Variants in OSBPL3 observed in about 807,000 individuals in gnomAD.
OSBPL3 encodes oxysterol binding protein like 3.
In OSBPL3, 65 loss-of-function variants were observed where a neutral mutation model predicts 120.1. The ratio of observed to expected loss-of-function variants is 0.54; its 90% CI spans 0.44 to 0.67. The LOEUF (loss-of-function observed/expected upper bound fraction) is 0.67, where lower values mean the gene tolerates loss of function less well. OSBPL3 is among the 30% of genes least tolerant of loss of function. The probability of loss-of-function intolerance (pLI) is 0.00; values close to 1 mark genes in which losing one functional copy is unlikely to be tolerated. For synonymous variants in OSBPL3, 416 were observed against 402.6 expected (o/e 1.03, Z -0.40); for missense variants, 1,004 against 1,082.1 (o/e 0.93, Z 1.01).
intron 20 of OSBPL3, among the ~76,000 whole-genome samples, chr7:24,809,109 G>C (rs943994804): frequency 2.0e-5 from 3 of 152,258 alleles, no homozygotes; most frequent in South Asian, 2.1e-4. Context: ...ATAGCACACA[G>C]CCTAACGGTT....
rs1182073359 is a variant in OSBPL3, at chr7:24,835,108, T to C, written c.1496-372A>G. ...ACTTTAAATTCTGGTAAAACAATTG[T>C]GTTTATTACAGGAAAACTATAAAGG... is the stretch of plus-strand genomic sequence containing the variant. On this transcript the variant is annotated intron_variant, in intron 14 of 22. Coordinates refer to ENST00000313367, the MANE Select transcript of OSBPL3 (RefSeq NM_015550.4). The surrounding 1 kb of genome is among the most constrained non-coding windows in gnomAD (Gnocchi z 4.8). Among the ~76,000 whole-genome samples the C allele has an allele frequency of 6.6e-6, 1 of 152,222 alleles. No homozygotes were observed. The highest frequency in any genetic ancestry group is 1.5e-5 in the Non-Finnish European group (1 of 68,038).
At chr7:24,843,055 G>C (rs932760087) in intron 12 of OSBPL3, among the ~76,000 whole-genome samples, 1 of 152,136 alleles carries the variant, frequency 6.6e-6, no homozygotes, top group Non-Finnish European at 1.5e-5. Flanking sequence ...TAACACAACA[G>C]AACATCATTG....
In OSBPL3 at chr7:24,979,642, T is replaced by C. The variant is rs1194198012; in HGVS notation, c.-150+244A>G. On this transcript the variant is annotated intron_variant, in intron 1 of 22. Coordinates refer to ENST00000313367, the MANE Select transcript of OSBPL3 (RefSeq NM_015550.4). Reference sequence around the variant, plus strand: ...TCCTGGCGGTCAATCCTCTGAGCCGTCCCTCGAGGGAAGGTGTCCTGGGGT... The same window carrying C: ...TCCTGGCGGTCAATCCTCTGAGCCGCCCCTCGAGGGAAGGTGTCCTGGGGT... Among the ~76,000 whole-genome samples the C allele has an allele frequency of 3.3e-5, 5 of 152,004 alleles. No homozygotes were observed. The East Asian group carries it at 5.9e-4, about 18-fold the overall frequency.
chr7:24,828,526 T>C (rs1394389581), intron 16 of OSBPL3, among the ~76,000 whole-genome samples: 1 of 148,046 alleles, frequency 6.8e-6, no homozygotes, highest in Non-Finnish European at 1.5e-5. Flanking sequence ...GAGGATCACT[T>C]GAACTGGGAG....
chr7:24,863,398 A>G lies in OSBPL3; in HGVS notation c.777+98T>C. 7.3e-7 allele frequency: 1 copy of G among 1,376,784 alleles called. No homozygotes were observed. Among genetic ancestry groups the G allele is most frequent in the South Asian group, 1.2e-5 (1 of 85,958 alleles). 85.3% of individuals were successfully genotyped at this position (1,376,784 alleles called of 1,614,324 possible). ...CCTCCATCCCCTTGACTTTGGCTGA[A>G]GCAACTGACCACAGCATCCCACTGT... On this transcript the variant is annotated intron_variant, in intron 8 of 22. Transcript: ENST00000313367. This position sits in a 1 kb window ranked among gnomAD's most constrained non-coding sequence, Gnocchi z 5.8.
rs560730449 is a variant in OSBPL3 at position 24,808,674 on chromosome 7, C to G, written c.2317+1133G>C. Among the ~76,000 whole-genome samples the G allele has an allele frequency of 1.3e-3, 196 of 152,342 alleles. No individual in the cohort carries two copies. Among genetic ancestry groups the G allele is most frequent in the African/African-American group, 4.4e-3 (184 of 41,568 alleles). On this transcript the variant is annotated intron_variant, in intron 20 of 22. Coordinates refer to ENST00000313367, the MANE Select transcript of OSBPL3 (RefSeq NM_015550.4). This position sits in a 1 kb window ranked among gnomAD's most constrained non-coding sequence, Gnocchi z 4.6. ...GCCTACTTGACCATCATTTCTCTTT[C>G]TTGCTTGCTAACAGAATACTGATTC...
chr7:24,975,202 A>G (rs1200745793), intron 1 of OSBPL3, among the ~76,000 whole-genome samples: 1 of 152,254 alleles, frequency 6.6e-6, no homozygotes, highest in Non-Finnish European at 1.5e-5. Flanking sequence ...AGTACATAAC[A>G]TAGGCAAAAT....
chr7:24,804,186 C>A lies in OSBPL3; in HGVS notation c.2567+129G>T. 4.7e-6 allele frequency: 5 copies of A among 1,060,920 alleles called. No homozygotes were observed. The Admixed American group carries it at 5.9e-5, about 13-fold the overall frequency. 65.7% of individuals were successfully genotyped at this position (1,060,920 alleles called of 1,614,324 possible). On this transcript the variant is annotated intron_variant, in intron 22 of 22. Coordinates refer to ENST00000313367, the MANE Select transcript of OSBPL3 (RefSeq NM_015550.4). This position sits in a 1 kb window ranked among gnomAD's most constrained non-coding sequence, Gnocchi z 5.4. ...GCCTGGCACAGAGGAGCAGTACCCCCACGTGGAAGCAGGAAAAGCCTGGAG... is the reference window on the plus strand; with the variant it reads ...GCCTGGCACAGAGGAGCAGTACCCCAACGTGGAAGCAGGAAAAGCCTGGAG...
intron 1 of OSBPL3, among the ~76,000 whole-genome samples, chr7:24,908,067 T>A (rs1808209230): frequency 6.6e-6 from 1 of 152,180 alleles, no homozygotes. Flanking sequence ...CCTTGCCATT[T>A]TAAGTCTTTG....
chr7:24,814,791 G>A (rs944744691), intron 19 of OSBPL3, among the ~76,000 whole-genome samples: 11 of 152,196 alleles, frequency 7.2e-5, no homozygotes, highest in African/African-American at 2.4e-4. Context: ...CTGTCAAGGT[G>A]CATACATACT....
chr7:24,812,380 G>A (rs1052901694), intron 19 of OSBPL3, among the ~76,000 whole-genome samples: 1 of 151,860 alleles, frequency 6.6e-6, no homozygotes, highest in Non-Finnish European at 1.5e-5. Flanking sequence ...GAGTAGTGTG[G>A]GTATTCTCAC....
rs1220779873 is a variant in OSBPL3 at position 24,918,571 on chromosome 7, T to C, written c.-149-25950A>G. ...ATGTGGGCTTACTTAGAAACATATG[T>C]ACAAGCAATTAACTTTATATTTACC... On this transcript the variant is annotated intron_variant, in intron 1 of 22. Coordinates refer to ENST00000313367, the MANE Select transcript of OSBPL3 (RefSeq NM_015550.4). This position sits in a 1 kb window ranked among gnomAD's most constrained non-coding sequence, Gnocchi z 4.3. Among the ~76,000 whole-genome samples the C allele has an allele frequency of 1.3e-5, 2 of 152,208 alleles. No individual in the cohort carries two copies. Among genetic ancestry groups the C allele is most frequent in the Non-Finnish European group, 2.9e-5 (2 of 68,038 alleles).
chr7:24,944,072 A>G (rs1813406528), intron 1 of OSBPL3, among the ~76,000 whole-genome samples: 1 of 109,212 alleles, frequency 9.2e-6, no homozygotes, highest in African/African-American at 3.1e-5. Context: ...TTTCCAGTCT[A>G]AAGTAAAAAA....
In OSBPL3 at chr7:24,818,350, GA is replaced by G. The variant is rs1794726011; in HGVS notation, c.1949-1663del. ...TATGTTCATAAAATTGTTACCAAGAGAAAAAAAAGATAGATGGCTGTTTAAA... is the reference window on the plus strand; with the variant it reads ...TATGTTCATAAAATTGTTACCAAGAGAAAAAAAGATAGATGGCTGTTTAAA... On this transcript the variant is annotated intron_variant, in intron 17 of 22. Coordinates refer to ENST00000313367, the MANE Select transcript of OSBPL3 (RefSeq NM_015550.4). The surrounding 1 kb of genome is among the most constrained non-coding windows in gnomAD (Gnocchi z 4.0). Among the ~76,000 whole-genome samples the G allele has an allele frequency of 6.6e-6, 1 of 151,382 alleles. No homozygotes were observed. Among genetic ancestry groups the G allele is most frequent in the Non-Finnish European group, 1.5e-5 (1 of 67,828 alleles).
At chr7:24,866,302 T>G in intron 5 of OSBPL3, 65 bp from the exon 6 acceptor site, 1 of 1,188,234 alleles carries the variant, frequency 8.4e-7, no homozygotes, top group Non-Finnish European at 1.2e-6. Context: ...CAATTACTCA[T>G]CAAATTGAGG....
At chr7:24,859,303 G>GA (rs1461228143) in intron 10 of OSBPL3, among the ~76,000 whole-genome samples, 2 of 151,960 alleles carry the variant, frequency 1.3e-5, no homozygotes, top group African/African-American at 2.4e-5. Context: ...CCCTCCCACT[G>GA]AAAAATTTTA....
chr7:24,941,295 C>A (rs1415353093), intron 1 of OSBPL3, among the ~76,000 whole-genome samples: 2 of 152,094 alleles, frequency 1.3e-5, no homozygotes, highest in African/African-American at 4.8e-5. Context: ...TTAGAAAAAC[C>A]CTGGAGGAAT....
Position 24,854,494 on chromosome 7 carries a change from ACACACACG to A in OSBPL3, c.1028-1868_1028-1861del, listed in dbSNP as rs750274478. Among the ~76,000 whole-genome samples, 2,856 of 81,334 alleles carry A rather than the reference ACACACACG, an allele frequency of 0.035. 36 individuals carry two copies. The highest frequency in any genetic ancestry group is 0.076 in the African/African-American group (1,390 of 18,314). 53.4% of individuals were successfully genotyped at this position (81,334 alleles called of 152,430 possible). ...AACAAAGTCACAACAATTTGTACAC[ACACACACG>A]CACACACACACACACACACACACAC... On this transcript the variant is annotated intron_variant, in intron 10 of 22. Coordinates refer to ENST00000313367, the MANE Select transcript of OSBPL3 (RefSeq NM_015550.4). This position sits in a 1 kb window ranked among gnomAD's most constrained non-coding sequence, Gnocchi z 4.1.
intron 1 of OSBPL3, among the ~76,000 whole-genome samples, chr7:24,902,225 A>T (rs969367670): frequency 1.3e-5 from 2 of 152,204 alleles, no homozygotes; most frequent in African/African-American, 4.8e-5. Context: ...CCTGCACAAC[A>T]TCACAATAGG....
Sources: allele counts gnomAD v4.1 joint callset (sites outside exome capture counted in the v4.1 genomes callset), GRCh38; gene constraint gnomAD v4.1.1; non-coding constraint Gnocchi (gnomAD v3.1); transcripts MANE v1.5; gene names NCBI Gene and HGNC (gene_info 2026-07-23, HGNC 2026-07-21).